Variants in NEDD4L observed in about 807,000 individuals in gnomAD.
The protein encoded by NEDD4L is E3 ubiquitin-protein ligase NEDD4-like.
Under a neutral mutation model 148.9 loss-of-function variants are expected in NEDD4L, and 54 were observed. The observed-to-expected ratio is 0.36, with a 90% confidence interval of 0.29 to 0.45. The LOEUF is 0.45. NEDD4L is among the 20% of genes least tolerant of loss of function. The probability of loss-of-function intolerance (pLI) is 1.00; values close to 1 mark genes in which losing one functional copy is unlikely to be tolerated. For synonymous variants in NEDD4L, 433 were observed against 440.7 expected (o/e 0.98, Z 0.22); for missense variants, 856 against 1,233.8 (o/e 0.69, Z 4.59).
chr18:58,131,365 T>G (rs1291586734), intron 1 of NEDD4L, among the ~76,000 whole-genome samples: 1 of 146,454 alleles, frequency 6.8e-6, no homozygotes, highest in Admixed American at 6.7e-5. Flanking sequence ...TGTGGTGGTG[T>G]TGGGCTCTGT....
intron 5 of NEDD4L, among the ~76,000 whole-genome samples, chr18:58,276,096 C>T (rs1440870848): frequency 6.6e-6 from 1 of 151,926 alleles, no homozygotes; most frequent in Non-Finnish European, 1.5e-5. Context: ...AATATTACTA[C>T]TGGTTTCATG....
At chr18:58,051,973 A>G (rs899266856) in intron 1 of NEDD4L, among the ~76,000 whole-genome samples, 3 of 152,134 alleles carry the variant, frequency 2.0e-5, no homozygotes, top group African/African-American at 7.2e-5. Context: ...TATAGGTGGC[A>G]ATGTTTGTGC....
intron 6 of NEDD4L, among the ~76,000 whole-genome samples, chr18:58,317,294 G>A (rs2058373821): frequency 3.3e-5 from 5 of 152,240 alleles, no homozygotes; most frequent in South Asian, 2.1e-4. Context: ...CTCAGGTCAC[G>A]TTGGGAGGAT....
intron 26 of NEDD4L, among the ~76,000 whole-genome samples, chr18:58,386,991 C>T (rs982867300): frequency 1.3e-5 from 2 of 152,190 alleles, no homozygotes; most frequent in Admixed American, 6.5e-5. Context: ...TTAGTGGTAC[C>T]TGGGAACTGG....
At chr18:58,274,311 GACGTATA>G (rs1216748223) in intron 5 of NEDD4L, among the ~76,000 whole-genome samples, 3 of 152,214 alleles carry the variant, frequency 2.0e-5, no homozygotes, top group Non-Finnish European at 2.9e-5. Flanking sequence ...GTTTGTTAGT[GACGTATA>G]ACCAAAAGAG....
At chr18:58,074,454 T>A (rs1388772954) in intron 1 of NEDD4L, among the ~76,000 whole-genome samples, 3 of 128,122 alleles carry the variant, frequency 2.3e-5, no homozygotes, top group Admixed American at 7.9e-5. Flanking sequence ...TTTTTTTTTT[T>A]AATAGAGTTG....
chr18:58,251,994 CT>C lies in NEDD4L; in HGVS notation c.244-5del. 1 of 1,514,932 alleles carries C rather than the reference CT, an allele frequency of 6.6e-7. No individual in the cohort carries two copies. The allele number at this position is 1,514,932 out of a possible 1,614,324, so 93.8% of individuals were successfully genotyped here. A position where few individuals can be genotyped will look rare whatever the true frequency, so the allele number is the denominator to read the frequency against. On this transcript the variant is annotated splice_polypyrimidine_tract_variant and splice_region_variant and intron_variant, in intron 4 of 30. Coordinates refer to ENST00000400345, the MANE Select transcript of NEDD4L (RefSeq NM_001144967.3). ...CGTTTAAAAAATACTATTTATGTTCCTTATAGGTAAACCCATCTAATCACAG... is the reference window on the plus strand; with the variant it reads ...CGTTTAAAAAATACTATTTATGTTCCTATAGGTAAACCCATCTAATCACAG...
chr18:58,280,437 G>A (rs566991774), intron 5 of NEDD4L, among the ~76,000 whole-genome samples: 1 of 152,310 alleles, frequency 6.6e-6, no homozygotes, highest in South Asian at 2.1e-4. Context: ...ATGTGAGCTG[G>A]ACTTTGAATA....
chr18:58,385,822 T>C (rs2048939563), intron 26 of NEDD4L, among the ~76,000 whole-genome samples: 1 of 151,898 alleles, frequency 6.6e-6, no homozygotes, highest in African/African-American at 2.4e-5. Context: ...CTGCTTGACT[T>C]CTCTTATTTT....
chr18:58,387,685 T>A, intron 27 of NEDD4L, 187 bp downstream of exon 27: 1 of 655,868 alleles, frequency 1.5e-6, no homozygotes, highest in Non-Finnish European at 2.3e-6. Flanking sequence ...CTTATGGGGC[T>A]TGTTTGCCAA....
chr18:58,141,024 G>A (rs562285699), intron 1 of NEDD4L, among the ~76,000 whole-genome samples: 21 of 152,288 alleles, frequency 1.4e-4, no homozygotes, highest in Admixed American at 7.8e-4. Flanking sequence ...AGAAGCCAGC[G>A]CCAGGCCTGT....
intron 2 of NEDD4L, among the ~76,000 whole-genome samples, chr18:58,228,621 C>T (rs555440269): frequency 6.6e-6 from 1 of 152,318 alleles, no homozygotes; most frequent in Non-Finnish European, 1.5e-5. Context: ...ATTTTCTCCT[C>T]AAGGTGCTTA....
chr18:58,282,042 A>G (rs559303387), intron 5 of NEDD4L, among the ~76,000 whole-genome samples: 1 of 151,744 alleles, frequency 6.6e-6, no homozygotes, highest in South Asian at 2.1e-4. Flanking sequence ...AAAAAAGCAA[A>G]CAAAATAACT....
chr18:58,070,992 A>C (rs2082843883), intron 1 of NEDD4L, among the ~76,000 whole-genome samples: 1 of 152,146 alleles, frequency 6.6e-6, no homozygotes, highest in African/African-American at 2.4e-5. Context: ...AAAAATTAGA[A>C]GCTATCTCAA....
In NEDD4L at chr18:58,167,916, C is replaced by T. The variant is rs533110462; in HGVS notation, c.122+2055C>T. Among the ~76,000 whole-genome samples, 4 of 151,054 alleles carry T rather than the reference C, an allele frequency of 2.6e-5. No individual in the cohort carries two copies. In the South Asian group the frequency reaches 6.3e-4, roughly 24 times the overall value. On this transcript the variant is annotated intron_variant, in intron 2 of 30. Coordinates refer to ENST00000400345, the MANE Select transcript of NEDD4L (RefSeq NM_001144967.3). Reference sequence around the variant, plus strand: ...TTTTATTTTGTTTTATCCAAACCCTCCCATTAAAAAAAAAAATTGATTCAC... The same window carrying T: ...TTTTATTTTGTTTTATCCAAACCCTTCCATTAAAAAAAAAAATTGATTCAC...
chr18:58,191,849 G>A (rs2147199585), intron 2 of NEDD4L, among the ~76,000 whole-genome samples: 1 of 152,264 alleles, frequency 6.6e-6, no homozygotes, highest in South Asian at 2.1e-4. Context: ...TTCAATCTGG[G>A]AAACCCCATT....
intron 1 of NEDD4L, among the ~76,000 whole-genome samples, chr18:58,097,706 G>A (rs1187392928): frequency 6.6e-6 from 1 of 152,164 alleles, no homozygotes; most frequent in African/African-American, 2.4e-5. Flanking sequence ...GCATGCCGGA[G>A]GGGACTTAAA....
chr18:58,057,966 C>G (rs1459845682), intron 1 of NEDD4L, among the ~76,000 whole-genome samples: 1 of 152,164 alleles, frequency 6.6e-6, no homozygotes, highest in Non-Finnish European at 1.5e-5. Context: ...CTCTGAGTAC[C>G]CACTTCCCTT....
At chr18:58,166,872 TA>T (rs955086094) in intron 2 of NEDD4L, among the ~76,000 whole-genome samples, 2 of 152,154 alleles carry the variant, frequency 1.3e-5, no homozygotes, top group African/African-American at 4.8e-5. Context: ...AGTCCCTCTA[TA>T]AAGAAGCCCC....
Sources: gnomAD v4.1 joint callset for allele counts (sites outside exome capture counted in the v4.1 genomes callset) on GRCh38, gnomAD v4.1.1 for gene constraint, MANE v1.5 for transcripts, NCBI Gene and HGNC (gene_info 2026-07-23, HGNC 2026-07-21) for gene names.